The following PRPF18 variants were observed in gnomAD, a reference collection of about 807,000 sequenced individuals.
PRPF18 encodes the protein pre-mRNA-splicing factor 18.
Under a neutral mutation model 46.5 loss-of-function variants are expected in PRPF18, and 38 were observed. That is an observed-to-expected ratio of 0.82 (90% CI 0.63 to 1.07). The LOEUF (loss-of-function observed/expected upper bound fraction) is 1.07. Among genes scored for constraint, PRPF18 ranks in the 50% least tolerant of loss-of-function variants. The pLI is 0.00. For missense variants in PRPF18, 263 were observed against 410.0 expected (o/e 0.64, Z 3.10); for synonymous variants, 152 against 146.7 (o/e 1.04, Z -0.26).
At chr10:13,651,129 G>C in the PRPF18 span, 1 of 152,252 alleles carries the variant, frequency 6.6e-6, no homozygotes, top group Non-Finnish European at 1.5e-5. Context: ...CGTGAATCTT[G>C]TTAAATGCAC....
intron 7 of PRPF18, 50 bp downstream of exon 7, chr10:13,613,931 A>T (rs1471860116): frequency 8.2e-6 from 13 of 1,578,298 alleles, no homozygotes; most frequent in Non-Finnish European, 1.1e-5. Context: ...AAAATACAGT[A>T]TAAATTTAGA....
chr10:13,635,688 A>G (rs929326415), downstream of PRPF18, among the ~76,000 whole-genome samples: 1 of 152,164 alleles, frequency 6.6e-6, no homozygotes, highest in Non-Finnish European at 1.5e-5. Context: ...GGCTGCATGT[A>G]TGTCTTCTTT....
chr10:13,650,053 A>G, the PRPF18 span, among the ~76,000 whole-genome samples: 5 of 152,224 alleles, frequency 3.3e-5, no homozygotes, highest in East Asian at 7.7e-4. Context: ...TCCCAGGGCT[A>G]TGCTCAGAGA....
chr10:13,590,620 C>CAAAA (rs35395677), intron 1 of PRPF18, among the ~76,000 whole-genome samples: 1 of 84,426 alleles, frequency 1.2e-5, no homozygotes, highest in African/African-American at 4.4e-5. Context: ...GACTCCATCT[C>CAAAA]AAAAAAAAAA....
chr10:13,616,605 TC>T lies in PRPF18; in HGVS notation c.948+55del, dbSNP rs373727922. On this transcript the variant is annotated intron_variant, in intron 9 of 9. Coordinates refer to ENST00000378572, the MANE Select transcript of PRPF18 (RefSeq NM_003675.4). ...GCCCTGGAAGTGAATATTCTCTAATTCCCAAAACTCTAAGTCTGGAAAGCAG... is the reference window on the plus strand; with the variant it reads ...GCCCTGGAAGTGAATATTCTCTAATTCCAAAACTCTAAGTCTGGAAAGCAG... 4.4e-5 allele frequency: 70 copies of T among 1,588,826 alleles called. No individual in the cohort carries two copies. The African/African-American group carries it at 6.4e-4, about 14-fold the overall frequency.
chr10:13,632,447 AC>A, downstream of PRPF18: 1 of 152,294 alleles, frequency 6.6e-6, no homozygotes, highest in Middle Eastern at 3.4e-3. Flanking sequence ...TTTATATAGG[AC>A]CTATTTATAA....
In PRPF18 at chr10:13,591,606, A is replaced by G. The variant is rs574958495; in HGVS notation, c.66+4454A>G. On this transcript the variant is annotated intron_variant, in intron 1 of 9. Coordinates refer to ENST00000378572, the MANE Select transcript of PRPF18 (RefSeq NM_003675.4). ...ATCTTGTGCTGCTCTGTAATCTTGT[A>G]TTTATCTTTTTCTGTGCTGAAGATC... 3.4e-5 allele frequency: 22 copies of G among 652,714 alleles called. No individual in the cohort carries two copies. The African/African-American group carries it at 3.5e-4, about 10-fold the overall frequency. The allele number at this position is 652,714 out of a possible 1,614,324, so 40.4% of individuals were successfully genotyped here. A position where few individuals can be genotyped will look rare whatever the true frequency, so the allele number is the denominator to read the frequency against.
intron 9 of PRPF18, among the ~76,000 whole-genome samples, chr10:13,619,715 G>A (rs1253093379): frequency 6.6e-6 from 1 of 152,036 alleles, no homozygotes; most frequent in South Asian, 2.1e-4. Context: ...ATGCAGAAGC[G>A]ATACTGAGTG....
chr10:13,591,710 C>G (rs946183495), intron 1 of PRPF18: 2 of 843,744 alleles, frequency 2.4e-6, no homozygotes, highest in African/African-American at 3.4e-5. Flanking sequence ...ATTTTTACAT[C>G]GCTGATAACA....
the PRPF18 span, chr10:13,654,298 C>T: frequency 1.3e-6 from 1 of 757,912 alleles, no homozygotes; most frequent in South Asian, 1.5e-5. Context: ...AAGGAAGACA[C>T]CTCCCAGTGA....
chr10:13,650,282 C>T, the PRPF18 span, among the ~76,000 whole-genome samples: 10 of 152,224 alleles, frequency 6.6e-5, no homozygotes, highest in African/African-American at 2.4e-4. Context: ...TGAACAGTCC[C>T]ACAGTTGGTC....
chr10:13,646,221 T>A, the PRPF18 span: 1 of 152,666 alleles, frequency 6.6e-6, no homozygotes, highest in Non-Finnish European at 1.5e-5. Flanking sequence ...CCAGTTTACA[T>A]AGGGTTGACT....
chr10:13,655,736 TCCTCCCATTTGCTTCTG>T, the PRPF18 span: 1 of 152,310 alleles, frequency 6.6e-6, no homozygotes, highest in South Asian at 2.1e-4. Flanking sequence ...GACTCAGAGT[TCCTCCCATTTGCTTCTG>T]ACTCTCATTT....
At position 13,591,135 on chromosome 10, in the gene PRPF18, C is replaced by G. The variant is rs541225867; in HGVS notation, c.66+3983C>G. 2.0e-5 allele frequency among the ~76,000 whole-genome samples: 3 copies of G among 152,270 alleles called. No homozygotes were observed. In the South Asian group the frequency reaches 6.2e-4, roughly 32 times the overall value. ...TTAGACCAACTTGAGGGTGAGTGCT[C>G]TTGCATGATGTAAGGGAACATACAC... On this transcript the variant is annotated intron_variant, in intron 1 of 9. Transcript: ENST00000378572.
In PRPF18 at chr10:13,614,091, A is replaced by C; in HGVS notation, c.792+5A>C. ...TTGCAGAGAGAATACGTGAAGGTAC[A>C]TTCCCATGCTGTTCTTTGAAATTGT... On this transcript the variant is annotated splice_donor_5th_base_variant and intron_variant, in intron 8 of 9. Transcript: ENST00000378572. 1 of 1,557,022 alleles carries C rather than the reference A, an allele frequency of 6.4e-7. No individual in the cohort carries two copies. The highest frequency in any genetic ancestry group is 1.2e-5 in the South Asian group (1 of 84,268).
intron 1 of PRPF18, among the ~76,000 whole-genome samples, chr10:13,588,541 A>G (rs898472349): frequency 1.1e-4 from 17 of 150,558 alleles, no homozygotes; most frequent in African/African-American, 4.2e-4. Flanking sequence ...GTGCCACTGC[A>G]CTCCAGCCTG....
chr10:13,642,967 A>G, the PRPF18 span: 1 of 152,160 alleles, frequency 6.6e-6, no homozygotes, highest in African/African-American at 2.4e-5. Context: ...CAGGGATGCT[A>G]TTGGAGGCCA....
At chr10:13,629,489 T>G (rs2080561371) in intron 9 of PRPF18, among the ~76,000 whole-genome samples, 1 of 152,220 alleles carries the variant, frequency 6.6e-6, no homozygotes, top group African/African-American at 2.4e-5. Context: ...TGAAAACCAT[T>G]GAAACAATAT....
chr10:13,594,885 C>T (rs1224647162), intron 1 of PRPF18, among the ~76,000 whole-genome samples: 2 of 152,186 alleles, frequency 1.3e-5, no homozygotes, highest in African/African-American at 2.4e-5. Context: ...TGCACAAGTG[C>T]TTTTCTTTGA....
Sources: gnomAD v4.1 joint callset for allele counts (sites outside exome capture counted in the v4.1 genomes callset) on GRCh38, gnomAD v4.1.1 for gene constraint, MANE v1.5 for transcripts, NCBI Gene and HGNC (gene_info 2026-07-23, HGNC 2026-07-21) for gene names.